Variants in RHBDL2 observed in about 807,000 individuals in gnomAD.
RHBDL2 encodes the protein rhomboid-related protein 2.
In RHBDL2, 26 loss-of-function variants were observed where a neutral mutation model predicts 31.7. That is an observed-to-expected ratio of 0.82 (90% confidence interval 0.60 to 1.14). RHBDL2 has a LOEUF of 1.14. RHBDL2 is among the 50% of genes most tolerant of loss of function. The pLI is 0.00. For missense variants in RHBDL2, 336 were observed against 364.4 expected, an observed-to-expected ratio of 0.92 and a Z score of 0.63; for synonymous variants, 123 against 127.2, an observed-to-expected ratio of 0.97 and a Z score of 0.22.
At chr1:38,890,330 A>G (rs1171579705) in intron 6 of RHBDL2, among the ~76,000 whole-genome samples, 4 of 152,092 alleles carry the variant, frequency 2.6e-5, no homozygotes, top group African/African-American at 9.7e-5. Context: ...CATATTTTCA[A>G]TCATCATTTG....
chr1:38,896,680 C>G (rs556548688), intron 4 of RHBDL2, among the ~76,000 whole-genome samples: 9 of 152,210 alleles, frequency 5.9e-5, no homozygotes, highest in African/African-American at 2.2e-4. Flanking sequence ...CCTCAGAATC[C>G]TTCTCAACAT....
chr1:38,921,311 G>A (rs1280711501), intron 1 of RHBDL2, among the ~76,000 whole-genome samples: 2 of 152,194 alleles, frequency 1.3e-5, no homozygotes, highest in Non-Finnish European at 2.9e-5. Context: ...AACCTGGGAG[G>A]CAGAGGTTAC....
At chr1:38,930,527 T>A (rs1339434251) in intron 1 of RHBDL2, among the ~76,000 whole-genome samples, 1 of 152,234 alleles carries the variant, frequency 6.6e-6, no homozygotes, top group East Asian at 1.9e-4. Flanking sequence ...GCAGAAGACA[T>A]AGGAATTTCA....
At chr1:38,906,787 C>T (rs1643072677) in intron 4 of RHBDL2, among the ~76,000 whole-genome samples, 1 of 151,916 alleles carries the variant, frequency 6.6e-6, no homozygotes, top group Admixed American at 6.6e-5. Context: ...AAATAAAAGA[C>T]ACTGTTCATA....
chr1:38,902,289 T>C (rs1314186760), intron 4 of RHBDL2, among the ~76,000 whole-genome samples: 1 of 140,758 alleles, frequency 7.1e-6, no homozygotes, highest in Non-Finnish European at 1.5e-5. Flanking sequence ...CACTGCAGCC[T>C]CGACTTCCTA....
At chr1:38,935,756 G>A (rs1335913104) in intron 1 of RHBDL2, among the ~76,000 whole-genome samples, 1 of 152,004 alleles carries the variant, frequency 6.6e-6, no homozygotes, top group Non-Finnish European at 1.5e-5. Flanking sequence ...GGGACTACAG[G>A]TGTGTACCAC....
At chr1:38,903,067 A>C (rs1360162229) in intron 4 of RHBDL2, among the ~76,000 whole-genome samples, 1 of 152,234 alleles carries the variant, frequency 6.6e-6, no homozygotes, top group Admixed American at 6.6e-5. Context: ...GCAAGGTTGG[A>C]AAACACAAGA....
At chr1:38,935,316 T>A (rs1643487036) in intron 1 of RHBDL2, among the ~76,000 whole-genome samples, 2 of 152,232 alleles carry the variant, frequency 1.3e-5, no homozygotes, top group African/African-American at 4.8e-5. Flanking sequence ...ATGTCTCAAT[T>A]CTAATTTTAT....
Position 38,941,664 on chromosome 1 carries a change from C to G in RHBDL2, c.-126+18G>C, listed in dbSNP as rs1643561875. Reference sequence around the variant, plus strand: ...GACATAGGACTCCCTCCACTCCCTCCCAGCTCCCACATCTTACCCTGAAAG... The same window carrying G: ...GACATAGGACTCCCTCCACTCCCTCGCAGCTCCCACATCTTACCCTGAAAG... On this transcript the variant is annotated intron_variant, in intron 1 of 7. Coordinates refer to ENST00000372990, the MANE Select transcript of RHBDL2 (RefSeq NM_017821.5). 6.5e-6 allele frequency: 1 copy of G among 152,784 alleles called. No individual in the cohort carries two copies. The highest frequency in any genetic ancestry group is 1.5e-5 in the Non-Finnish European group (1 of 68,518). The allele number at this position is 152,784 out of a possible 1,614,324, so 9.5% of individuals were successfully genotyped here.
intron 3 of RHBDL2, among the ~76,000 whole-genome samples, chr1:38,911,873 C>T (rs1461983919): frequency 6.6e-6 from 1 of 152,016 alleles, no homozygotes; most frequent in African/African-American, 2.4e-5. Flanking sequence ...ATGGCATGAT[C>T]TTGGCTCACT....
chr1:38,900,631 A>G (rs1167714147), intron 4 of RHBDL2, among the ~76,000 whole-genome samples: 1 of 151,962 alleles, frequency 6.6e-6, no homozygotes, highest in African/African-American at 2.4e-5. Context: ...AAAAAAGAAA[A>G]AAAAGAGTCA....
chr1:38,902,291 G>A lies in RHBDL2; in HGVS notation c.509-6222C>T, dbSNP rs117335783. 1.5e-3 allele frequency among the ~76,000 whole-genome samples: 209 copies of A among 136,858 alleles called. 2 individuals are homozygous for A. In the East Asian group the frequency reaches 0.033, roughly 22 times the overall value. The allele number at this position is 136,858 out of a possible 152,430, so 89.8% of individuals were successfully genotyped here. A position where few individuals can be genotyped will look rare whatever the true frequency, so the allele number is the denominator to read the frequency against. On this transcript the variant is annotated intron_variant, in intron 4 of 7. Coordinates refer to ENST00000372990, the MANE Select transcript of RHBDL2 (RefSeq NM_017821.5). ...CATGATCACAGCTCACTGCAGCCTC[G>A]ACTTCCTAGGCTCAGGTGATTTTTC...
intron 4 of RHBDL2, among the ~76,000 whole-genome samples, chr1:38,902,421 AT>A (rs1557611528): frequency 1.3e-5 from 1 of 74,848 alleles, no homozygotes; most frequent in Admixed American, 2.0e-4. Context: ...TATTTTTTTT[AT>A]TATTTTTTTT....
chr1:38,908,974 TC>T (rs1453999231), intron 4 of RHBDL2, among the ~76,000 whole-genome samples: 1 of 152,168 alleles, frequency 6.6e-6, no homozygotes, highest in Admixed American at 6.6e-5. Context: ...CGGATGGTTT[TC>T]CCCTGGAGTC....
chr1:38,891,889 C>G (rs1570911949), intron 6 of RHBDL2, among the ~76,000 whole-genome samples: 1 of 152,222 alleles, frequency 6.6e-6, no homozygotes, highest in East Asian at 1.9e-4. Flanking sequence ...CAGGTCTGAC[C>G]CCAGGGTCTG....
At chr1:38,929,315 G>A (rs1022833734) in intron 1 of RHBDL2, 4 of 1,023,450 alleles carry the variant, frequency 3.9e-6, no homozygotes, top group South Asian at 1.4e-5. Flanking sequence ...GCTACGACGA[G>A]GACTCTAGGT....
chr1:38,898,871 A>C (rs1488092507), intron 4 of RHBDL2, among the ~76,000 whole-genome samples: 1 of 152,230 alleles, frequency 6.6e-6, no homozygotes, highest in Non-Finnish European at 1.5e-5. Context: ...AGCACCAGAG[A>C]GGCTAAGTAA....
chr1:38,901,899 A>C (rs1465213065), intron 4 of RHBDL2, among the ~76,000 whole-genome samples: 2 of 151,640 alleles, frequency 1.3e-5, no homozygotes, highest in East Asian at 3.9e-4. Flanking sequence ...CCACAGGAGA[A>C]ACAAACAAAT....
intron 2 of RHBDL2, among the ~76,000 whole-genome samples, chr1:38,916,780 A>G (rs1643242425): frequency 6.6e-6 from 1 of 150,380 alleles, no homozygotes; most frequent in Admixed American, 6.6e-5. Flanking sequence ...CTGAGTCAGG[A>G]GAATCACTTG....
Sources: gnomAD v4.1 joint callset for allele counts (sites outside exome capture counted in the v4.1 genomes callset) on GRCh38, gnomAD v4.1.1 for gene constraint, MANE v1.5 for transcripts, NCBI Gene and HGNC (gene_info 2026-07-23, HGNC 2026-07-21) for gene names.